PMPCA: variants seen among roughly 807,000 people sequenced by gnomAD.
The protein encoded by PMPCA is peptidase, mitochondrial processing subunit alpha.
PMPCA carries 47 observed loss-of-function variants against 59.3 expected under a neutral mutation model. The ratio of observed to expected loss-of-function variants is 0.79; its 90% CI spans 0.63 to 1.01. The LOEUF (loss-of-function observed/expected upper bound fraction) is 1.01. PMPCA is among the 50% of genes least tolerant of loss of function. PMPCA has a pLI of 0.00. For synonymous variants in PMPCA, 338 were observed against 290.3 expected, an observed-to-expected ratio of 1.16 and a Z score of -1.67; for missense variants, 726 against 704.5, an observed-to-expected ratio of 1.03 and a Z score of -0.34.
At chr9:136,412,705 T>C in intron 3 of PMPCA, 105 bp from the exon 4 acceptor site, 2 of 826,662 alleles carry the variant, frequency 2.4e-6, no homozygotes, top group Non-Finnish European at 4.1e-6. Flanking sequence ...AGTTAAAAGA[T>C]AATTTTTGTA....
intron 1 of PMPCA, 116 bp downstream of exon 1, chr9:136,410,855 C>A (rs1316116547): frequency 1.6e-5 from 14 of 887,480 alleles, no homozygotes; most frequent in Admixed American, 4.3e-5. Context: ...GCTCGCACTT[C>A]GGGACACTGG....
rs377562397 is a variant in PMPCA at position 136,418,999 on chromosome 9, C to T, written c.1201-45C>T. On this transcript the variant is annotated intron_variant, in intron 10 of 12. Coordinates refer to ENST00000371717, the MANE Select transcript of PMPCA (RefSeq NM_015160.3). ...TCCCTGCCTAGACGGGTCAGTAGGC[C>T]GGCAGGCGCAGGCCACACTGTTATC... is the stretch of plus-strand genomic sequence containing the variant. The T allele has an allele frequency of 3.5e-5, 56 of 1,602,690 alleles. No homozygotes were observed. In the Middle Eastern group the frequency reaches 4.9e-4, roughly 14 times the overall value.
rs768042195 is a variant in PMPCA at position 136,418,668 on chromosome 9, C to T, written c.1104C>T (p.Leu368=). 6 of 1,605,874 alleles carry T rather than the reference C, an allele frequency of 3.7e-6. No individual in the cohort carries two copies. Among genetic ancestry groups the T allele is most frequent in the South Asian group, 2.2e-5 (2 of 90,936 alleles). The change falls in exon 9 of 13, where the codon CTC becomes CTT. Residue 368 remains leucine (L), a synonymous_variant. Coordinates refer to ENST00000371717, the MANE Select transcript of PMPCA (RefSeq NM_015160.3). ...GMFSRLYLNV[L]NRHHWMYNAT... is the part of the protein sequence containing the mutation. The stretch of plus-strand genomic sequence containing the variant: ...TCTCCAGGCTCTACCTCAACGTGCT[C>T]AACAGGTGGGTTGCACTCTTTTCTG...
intron 2 of PMPCA, 47 bp downstream of exon 2, chr9:136,412,246 C>G (rs1421767420): frequency 7.5e-7 from 1 of 1,325,244 alleles, no homozygotes; most frequent in Non-Finnish European, 1.1e-6. Context: ...TTTTAACATG[C>G]ACATGCTTTA....
At chr9:136,411,847 C>T (rs1835128145) in intron 1 of PMPCA, 150 bp from the exon 2 acceptor site, 3 of 636,166 alleles carry the variant, frequency 4.7e-6, no homozygotes, top group African/African-American at 1.8e-5. Context: ...TCAGCCTCTG[C>T]TTTGTCTTCC....
Position 136,421,906 on chromosome 9 carries a change from C to T in PMPCA, c.1338C>T (p.Phe446=), listed in dbSNP as rs756126685. 18 of 1,611,940 alleles carry T rather than the reference C, an allele frequency of 1.1e-5. No individual in the cohort carries two copies. The highest frequency in any genetic ancestry group is 8.9e-5 in the East Asian group (4 of 44,856). Reference sequence around the variant, plus strand: ...ACCTGGAATCCAGGCCTGTGATCTTCGAGGATGTGGGGAGGCAGGTGCTGG... The same window carrying T: ...ACCTGGAATCCAGGCCTGTGATCTTTGAGGATGTGGGGAGGCAGGTGCTGG... ...MMNLESRPVI[F]EDVGRQVLAT... is the part of the protein sequence containing the mutation. The change falls in exon 12 of 13, where the codon TTC becomes TTT. Residue 446 remains phenylalanine, a synonymous_variant. Transcript: ENST00000371717.
Position 136,423,491 on chromosome 9 carries a change from C to T in PMPCA, c.*227C>T. On this transcript the variant is annotated 3_prime_UTR_variant, in exon 13 of 13. Coordinates refer to ENST00000371717, the MANE Select transcript of PMPCA (RefSeq NM_015160.3). ...CAAGCCAGGAAGCAGGTGAAGTGCC[C>T]AGCGCTGGAGTGCAGCGTGCCACGA... 1.8e-6 allele frequency: 1 copy of T among 548,000 alleles called. No individual in the cohort carries two copies. Among genetic ancestry groups the T allele is most frequent in the Non-Finnish European group, 3.3e-6 (1 of 306,454 alleles). The allele number at this position is 548,000 out of a possible 1,614,324, so 33.9% of individuals were successfully genotyped here.
At chr9:136,418,310 G>A (rs1463497032) in intron 8 of PMPCA, among the ~76,000 whole-genome samples, 5 of 151,952 alleles carry the variant, frequency 3.3e-5, no homozygotes, top group Middle Eastern at 3.4e-3. Context: ...TGTCCCTGGC[G>A]TCTGACGGCG....
In PMPCA at chr9:136,422,270, A is replaced by T. The variant is rs537781813; in HGVS notation, c.1408+294A>T. On this transcript the variant is annotated intron_variant, in intron 12 of 12. Transcript: ENST00000371717. ...TGCCCAGAGTTGTTAAAGAGCACTC[A>T]AGTTAGTAGGCGAGAAGGGCTCAGT... The T allele has an allele frequency of 2.3e-5, 30 of 1,320,948 alleles. No individual in the cohort carries two copies. The African/African-American group carries it at 3.3e-4, about 14-fold the overall frequency. The allele number at this position is 1,320,948 out of a possible 1,614,324, so 81.8% of individuals were successfully genotyped here.
chr9:136,422,174 C>T, intron 12 of PMPCA, 198 bp downstream of exon 12: 2 of 1,523,848 alleles, frequency 1.3e-6, no homozygotes, highest in Admixed American at 2.0e-5. Flanking sequence ...ACTTCCCGGC[C>T]CCACCATGCA....
At chr9:136,417,675 C>T (rs1009965668) in intron 7 of PMPCA, among the ~76,000 whole-genome samples, 3 of 151,918 alleles carry the variant, frequency 2.0e-5, no homozygotes, top group South Asian at 2.1e-4. Flanking sequence ...AGGCTGGTCT[C>T]GAACTCCTGA....
At chr9:136,414,961 A>G (rs2131586355) in intron 5 of PMPCA, among the ~76,000 whole-genome samples, 1 of 152,116 alleles carries the variant, frequency 6.6e-6, no homozygotes, top group Middle Eastern at 3.4e-3. Context: ...GGTTGCTTAC[A>G]CTTAGAGTCC....
chr9:136,416,699 A>G (rs1835285969), intron 6 of PMPCA: 2 of 590,260 alleles, frequency 3.4e-6, no homozygotes, highest in South Asian at 4.1e-5. Flanking sequence ...CGTATTTTCC[A>G]GTTTTTATAG....
Position 136,418,810 on chromosome 9 carries a change from ACT to A in PMPCA, c.1110-14_1110-13del, listed in dbSNP as rs772235862. 4.4e-6 allele frequency: 7 copies of A among 1,593,616 alleles called. No individual in the cohort carries two copies. The East Asian group carries it at 6.7e-5, about 15-fold the overall frequency. Reference sequence around the variant, plus strand: ...CTGGCGAGTCCCCTTCACTCCCATGACTCTCGCTTCCTCCCAGGCACCACTGG... The same window carrying A: ...CTGGCGAGTCCCCTTCACTCCCATGACTCGCTTCCTCCCAGGCACCACTGG... On this transcript the variant is annotated splice_polypyrimidine_tract_variant and intron_variant, in intron 9 of 12. Transcript: ENST00000371717.
chr9:136,418,377 C>T (rs763103886), intron 8 of PMPCA, among the ~76,000 whole-genome samples, 178 bp from the exon 9 acceptor site: 26 of 149,010 alleles, frequency 1.7e-4, no homozygotes, highest in Non-Finnish European at 3.0e-4. Flanking sequence ...TGGCATCCGA[C>T]GGCGCTCCTG....
At position 136,416,709 on chromosome 9, in the gene PMPCA, G is replaced by A. The variant is rs1357470797; in HGVS notation, c.634-242G>A. ...ATGTTCGTATTTTCCAGTTTTTATA[G>A]TAACTAGGTCTTTACTACTAAACAC... is the stretch of plus-strand genomic sequence containing the variant. On this transcript the variant is annotated intron_variant, in intron 6 of 12. Transcript: ENST00000371717. The A allele has an allele frequency of 5.1e-6, 3 of 590,822 alleles. No homozygotes were observed. The East Asian group carries it at 8.4e-5, about 17-fold the overall frequency. 36.6% of individuals were successfully genotyped at this position (590,822 alleles called of 1,614,324 possible).
At chr9:136,414,431 G>A (rs780953819) in intron 4 of PMPCA, 122 bp from the exon 5 acceptor site, 20 of 700,154 alleles carry the variant, frequency 2.9e-5, no homozygotes, top group Non-Finnish European at 1.0e-5. Context: ...CCTGGCTGTT[G>A]AGCAGAGTGT....
At chr9:136,416,073 T>C in intron 5 of PMPCA, 1 of 587,864 alleles carries the variant, frequency 1.7e-6, no homozygotes, top group South Asian at 2.1e-5. Context: ...GCTTCATGGC[T>C]GAGGCGGGAT....
At chr9:136,416,920 G>A in intron 6 of PMPCA, 31 bp from the exon 7 acceptor site, 1 of 1,581,482 alleles carries the variant, frequency 6.3e-7, no homozygotes, top group Non-Finnish European at 8.6e-7. Context: ...GCTGTCTTCA[G>A]TCACCTGTGT....
Sources: gnomAD v4.1 joint callset for allele counts (sites outside exome capture counted in the v4.1 genomes callset) on GRCh38, gnomAD v4.1.1 for gene constraint, MANE v1.5 for transcripts, NCBI Gene and HGNC (gene_info 2026-07-23, HGNC 2026-07-21) for gene names.